Variants in SH3KBP1 observed in about 807,000 individuals in gnomAD.
SH3KBP1 encodes the protein SH3 domain containing kinase binding protein 1.
SH3KBP1 carries 8 observed loss-of-function variants against 50.1 expected under a neutral mutation model. The observed-to-expected ratio is 0.16, with a 90% confidence interval of 0.09 to 0.29. The LOEUF (loss-of-function observed/expected upper bound fraction) is 0.29. SH3KBP1 is among the 10% of genes least tolerant of loss of function. The pLI is 1.00. For missense variants in SH3KBP1, 377 were observed against 535.2 expected, an observed-to-expected ratio of 0.70 and a Z score of 2.92; for synonymous variants, 227 against 218.6, an observed-to-expected ratio of 1.04 and a Z score of -0.34.
intron 2 of SH3KBP1, among the ~76,000 whole-genome samples, chrX:19,754,506 T>C (rs1269188001): frequency 8.9e-6 from 1 of 111,950 alleles, no homozygotes; most frequent in African/African-American, 3.2e-5. Flanking sequence ...GAGTATTTTC[T>C]TTCTTTTGGT....
intron 2 of SH3KBP1, among the ~76,000 whole-genome samples, chrX:19,763,983 C>G (rs2065511201): frequency 1.0e-5 from 1 of 100,384 alleles, no homozygotes; most frequent in Admixed American, 1.1e-4. Flanking sequence ...CCACTGCATT[C>G]CAGCCTGGGT....
At chrX:19,621,261 T>C (rs2067828074) in intron 8 of SH3KBP1, among the ~76,000 whole-genome samples, 2 of 80,410 alleles carry the variant, frequency 2.5e-5, no homozygotes, top group East Asian at 3.1e-4. Context: ...TTTTTTTTTT[T>C]TGTATTTTTA....
Position 19,639,907 on chromosome X carries a change from C to CT in SH3KBP1, c.802+5492dup, listed in dbSNP as rs377700054. Among the ~76,000 whole-genome samples, 301 of 83,123 alleles carry CT rather than the reference C, an allele frequency of 3.6e-3. 5 individuals are homozygous for CT. The highest frequency in any genetic ancestry group is 5.9e-3 in the Middle Eastern group (1 of 170). 72.2% of individuals were successfully genotyped at this position (83,123 alleles called of 115,157 possible). ...AAAACCCAACACAAGAGAGTTGACT[C>CT]TTTTTTTTTTTTTTTTTTTTCCTAT... On this transcript the variant is annotated intron_variant, in intron 7 of 17. Transcript: ENST00000397821.
chrX:19,760,041 C>CCTCTCCCTCCCTCTCT (rs1556346157), intron 2 of SH3KBP1, among the ~76,000 whole-genome samples: 2 of 50,459 alleles, frequency 4.0e-5, no homozygotes, highest in African/African-American at 1.9e-4. Flanking sequence ...TCTCTCTCTC[C>CCTCTCCCTCCCTCTCT]CTCTCTCTCT....
chrX:19,862,800 T>G (rs959048373), intron 1 of SH3KBP1, among the ~76,000 whole-genome samples: 1 of 112,128 alleles, frequency 8.9e-6, no homozygotes, highest in Non-Finnish European at 1.9e-5. Flanking sequence ...ACAATTGAAG[T>G]ATCCAAATGA....
At chrX:19,886,536 G>T (rs1473587184) in intron 1 of SH3KBP1, among the ~76,000 whole-genome samples, 1 of 111,706 alleles carries the variant, frequency 9.0e-6, no homozygotes, top group Non-Finnish European at 1.9e-5. Context: ...GGACCCAGGG[G>T]GTTCAAAGGT....
chrX:19,554,328 TATA>T (rs762181216), intron 13 of SH3KBP1, among the ~76,000 whole-genome samples: 31 of 90,643 alleles, frequency 3.4e-4, no homozygotes, highest in African/African-American at 8.2e-4. Context: ...CATATTAAAA[TATA>T]ATATTATATA....
chrX:19,545,888 G>A, intron 15 of SH3KBP1, 34 bp downstream of exon 15: 1 of 1,204,944 alleles, frequency 8.3e-7, no homozygotes, highest in Non-Finnish European at 1.1e-6. Flanking sequence ...TGCATGAAAT[G>A]ACAGGGACAC....
chrX:19,802,832 C>T (rs773770241), intron 2 of SH3KBP1, among the ~76,000 whole-genome samples: 4 of 111,348 alleles, frequency 3.6e-5, no homozygotes, highest in South Asian at 3.8e-4. Context: ...TGCTCTCCCC[C>T]GGGGCCCAGA....
At chrX:19,593,462 G>T (rs553192071) in intron 10 of SH3KBP1, among the ~76,000 whole-genome samples, 14 of 110,430 alleles carry the variant, frequency 1.3e-4, no homozygotes, top group African/African-American at 4.3e-4. Flanking sequence ...AAGTTGACGA[G>T]GGAGAAAATA....
chrX:19,832,958 A>G (rs756427548), intron 2 of SH3KBP1, among the ~76,000 whole-genome samples: 1 of 112,641 alleles, frequency 8.9e-6, no homozygotes, highest in South Asian at 3.6e-4. Flanking sequence ...TGCTATGAGC[A>G]AATTCCATAG....
intron 2 of SH3KBP1, among the ~76,000 whole-genome samples, chrX:19,748,131 C>T (rs1340256870): frequency 8.9e-6 from 1 of 112,193 alleles, no homozygotes. Context: ...GCTCAAACCT[C>T]ATTTTCCATC....
intron 5 of SH3KBP1, chrX:19,687,543 G>T: frequency 1.2e-6 from 1 of 821,159 alleles, no homozygotes; most frequent in Non-Finnish European, 1.8e-6. Context: ...GCTCAGGAAA[G>T]GGCAGCTGCA....
intron 2 of SH3KBP1, among the ~76,000 whole-genome samples, chrX:19,831,083 G>A (rs1244334922): frequency 8.9e-6 from 1 of 112,026 alleles, no homozygotes; most frequent in South Asian, 3.6e-4. Context: ...GGAGGACCAC[G>A]CTCAAATGGG....
At chrX:19,816,284 T>C (rs1217111395) in intron 2 of SH3KBP1, among the ~76,000 whole-genome samples, 1 of 112,551 alleles carries the variant, frequency 8.9e-6, no homozygotes, top group Non-Finnish European at 1.9e-5. Flanking sequence ...CATCTTTTCA[T>C]GTGCTTATTT....
chrX:19,853,257 C>T (rs1457735330), intron 1 of SH3KBP1, among the ~76,000 whole-genome samples: 1 of 112,316 alleles, frequency 8.9e-6, no homozygotes, highest in Non-Finnish European at 1.9e-5. Context: ...GGGCCAGAGA[C>T]AAGCAGGGCC....
chrX:19,836,346 T>A, intron 1 of SH3KBP1, 64 bp from the exon 2 acceptor site: 1 of 968,813 alleles, frequency 1.0e-6, no homozygotes, highest in Non-Finnish European at 1.5e-6. Context: ...AGGTCCAGTA[T>A]CCCTTGAAGG....
chrX:19,811,002 C>T (rs774629871), intron 2 of SH3KBP1, among the ~76,000 whole-genome samples: 43 of 112,150 alleles, frequency 3.8e-4, no homozygotes, highest in East Asian at 2.5e-3. Flanking sequence ...ATTAGTATTA[C>T]GTGCCACCAG....
At chrX:19,581,363 T>C (rs144044354) in intron 12 of SH3KBP1, among the ~76,000 whole-genome samples, 75 of 112,461 alleles carry the variant, frequency 6.7e-4, no homozygotes, top group African/African-American at 2.4e-3. Context: ...TAGGAATCTT[T>C]AGAAAGAAAT....
Sources: allele counts gnomAD v4.1 joint callset (sites outside exome capture counted in the v4.1 genomes callset), GRCh38; gene constraint gnomAD v4.1.1; transcripts MANE v1.5; gene names NCBI Gene and HGNC (gene_info 2026-07-23, HGNC 2026-07-21).